TMEM132D: variants seen among roughly 807,000 people sequenced by gnomAD.
TMEM132D encodes transmembrane protein 132D, also known as mature OL transmembrane protein.
TMEM132D carries 21 observed loss-of-function variants against 62.3 expected under a neutral mutation model. That is an observed-to-expected ratio of 0.34 (90% CI 0.24 to 0.49). The LOEUF is 0.49. TMEM132D is among the 20% of genes least tolerant of loss of function. The pLI is 0.99. For missense variants in TMEM132D, 1,346 were observed against 1,402.8 expected, an observed-to-expected ratio of 0.96 and a Z score of 0.65; for synonymous variants, 621 against 575.6, an observed-to-expected ratio of 1.08 and a Z score of -1.13.
chr12:129,732,669 G>T (rs1030955847), intron 1 of TMEM132D, among the ~76,000 whole-genome samples: 2 of 152,168 alleles, frequency 1.3e-5, no homozygotes, highest in African/African-American at 2.4e-5. Flanking sequence ...AAATGCTGGT[G>T]TTATGCTTTC....
intron 2 of TMEM132D, among the ~76,000 whole-genome samples, chr12:129,641,155 A>G (rs1256385945): frequency 6.6e-6 from 1 of 152,192 alleles, no homozygotes; most frequent in Non-Finnish European, 1.5e-5. Context: ...GCCCCGGTCC[A>G]TGGAAAAATT....
At chr12:129,592,457 C>A (rs1225217631) in intron 2 of TMEM132D, among the ~76,000 whole-genome samples, 2 of 152,190 alleles carry the variant, frequency 1.3e-5, no homozygotes, top group East Asian at 3.9e-4. Context: ...ATTTGGCAAT[C>A]TCTTTCTTTG....
intron 2 of TMEM132D, among the ~76,000 whole-genome samples, chr12:129,611,286 G>C (rs1878768080): frequency 6.6e-6 from 1 of 152,194 alleles, no homozygotes; most frequent in Admixed American, 6.5e-5. Flanking sequence ...TCTTTAGCGA[G>C]ATCAGCTAAC....
At chr12:129,629,652 C>T (rs1879305364) in intron 2 of TMEM132D, among the ~76,000 whole-genome samples, 1 of 148,372 alleles carries the variant, frequency 6.7e-6, no homozygotes, top group Non-Finnish European at 1.5e-5. Context: ...TTAGGCCCAA[C>T]AGTTAATGCC....
intron 5 of TMEM132D, among the ~76,000 whole-genome samples, chr12:129,181,634 C>A (rs530011717): frequency 6.6e-6 from 1 of 152,312 alleles, no homozygotes; most frequent in East Asian, 1.9e-4. Flanking sequence ...GGCCCCACCC[C>A]AGCTCGAGAC....
chr12:129,506,291 A>G (rs1284006926), intron 3 of TMEM132D, among the ~76,000 whole-genome samples: 1 of 152,196 alleles, frequency 6.6e-6, no homozygotes. Context: ...GCCAAAAGCA[A>G]TTTACAAATT....
At chr12:129,490,423 CTTTTTTTTTTTTTT>C (rs11311745) in intron 3 of TMEM132D, among the ~76,000 whole-genome samples, 1 of 58,552 alleles carries the variant, frequency 1.7e-5, no homozygotes, top group Non-Finnish European at 2.9e-5. Flanking sequence ...ATTTCCTTTC[CTTTTTTTTTTTTTT>C]TTTTTTTTTT....
chr12:129,481,482 C>T (rs1436273170), intron 3 of TMEM132D, among the ~76,000 whole-genome samples: 1 of 146,006 alleles, frequency 6.8e-6, no homozygotes, highest in Non-Finnish European at 1.5e-5. Context: ...AAAAAAAACC[C>T]ACAAAACTGT....
intron 1 of TMEM132D, among the ~76,000 whole-genome samples, chr12:129,790,544 C>T (rs772988572): frequency 6.6e-6 from 1 of 152,208 alleles, no homozygotes; most frequent in Non-Finnish European, 1.5e-5. Context: ...AGTCAAGCTG[C>T]TTATCTCCGA....
At chr12:129,358,246 T>G (rs1231569621) in intron 3 of TMEM132D, among the ~76,000 whole-genome samples, 1 of 152,186 alleles carries the variant, frequency 6.6e-6, no homozygotes, top group African/African-American at 2.4e-5. Flanking sequence ...ATTGCTCGGT[T>G]TTCCTTTATT....
intron 1 of TMEM132D, among the ~76,000 whole-genome samples, chr12:129,773,773 A>G (rs1870832920): frequency 6.6e-6 from 1 of 152,234 alleles, no homozygotes; most frequent in Non-Finnish European, 1.5e-5. Flanking sequence ...GGTTGGAAGT[A>G]ACATAAATCA....
intron 5 of TMEM132D, among the ~76,000 whole-genome samples, chr12:129,179,066 C>G (rs966948315): frequency 6.6e-6 from 1 of 152,140 alleles, no homozygotes; most frequent in African/African-American, 2.4e-5. Context: ...TGAAAGAGGA[C>G]ATGCTGCTTG....
chr12:129,502,214 T>C (rs1162315967), intron 3 of TMEM132D, among the ~76,000 whole-genome samples: 2 of 152,020 alleles, frequency 1.3e-5, no homozygotes, highest in Admixed American at 6.5e-5. Context: ...TTAGCCAGGA[T>C]GGTCTTGATC....
intron 3 of TMEM132D, among the ~76,000 whole-genome samples, chr12:129,476,680 A>T (rs542058296): frequency 6.6e-6 from 1 of 152,254 alleles, no homozygotes; most frequent in South Asian, 2.1e-4. Flanking sequence ...CCACCTCGAC[A>T]TTCTGGGAGA....
chr12:129,236,128 GTGTGTGTA>G (rs1406947082), intron 4 of TMEM132D, among the ~76,000 whole-genome samples: 1 of 133,052 alleles, frequency 7.5e-6, no homozygotes, highest in African/African-American at 2.9e-5. Context: ...GTGTGTGTGT[GTGTGTGTA>G]TGTGTGTATG....
At chr12:129,200,532 T>C (rs1878674377) in intron 5 of TMEM132D, among the ~76,000 whole-genome samples, 1 of 152,136 alleles carries the variant, frequency 6.6e-6, no homozygotes, top group African/African-American at 2.4e-5. Flanking sequence ...CTGAGCTGAA[T>C]ATTTGAAGCC....
At position 129,160,402 on chromosome 12, in the gene TMEM132D, C is replaced by A. The variant is rs117973420; in HGVS notation, c.1443+49118G>T. 4.4e-4 allele frequency among the ~76,000 whole-genome samples: 67 copies of A among 152,308 alleles called. No homozygotes were observed. In the East Asian group the frequency reaches 0.012, roughly 27 times the overall value. ...AGATGGACAAATCACCCAAATTGAGCCAATAAGACTCAGTCTCAAGACTTT... is the reference window on the plus strand; with the variant it reads ...AGATGGACAAATCACCCAAATTGAGACAATAAGACTCAGTCTCAAGACTTT... On this transcript the variant is annotated intron_variant, in intron 5 of 8. Coordinates refer to ENST00000422113, the MANE Select transcript of TMEM132D (RefSeq NM_133448.3).
At chr12:129,594,917 G>A (rs1443350165) in intron 2 of TMEM132D, among the ~76,000 whole-genome samples, 1 of 152,184 alleles carries the variant, frequency 6.6e-6, no homozygotes, top group African/African-American at 2.4e-5. Flanking sequence ...TGAACACAAT[G>A]CAAATATACC....
chr12:129,833,918 A>G (rs1055336236), intron 1 of TMEM132D, among the ~76,000 whole-genome samples: 1 of 152,010 alleles, frequency 6.6e-6, no homozygotes, highest in Admixed American at 6.6e-5. Context: ...TAATTCAAGC[A>G]TGTCGCATAT....
Sources: allele counts gnomAD v4.1 joint callset (sites outside exome capture counted in the v4.1 genomes callset), GRCh38; gene constraint gnomAD v4.1.1; transcripts MANE v1.5; gene names NCBI Gene and HGNC (gene_info 2026-07-23, HGNC 2026-07-21).